CEP192: variants seen among roughly 807,000 people sequenced by gnomAD.
The protein encoded by CEP192 is centrosomal protein of 192 kDa.
CEP192 carries 151 observed loss-of-function variants against 271.8 expected under a neutral mutation model. The observed-to-expected ratio is 0.56, with a 90% CI of 0.49 to 0.64. The LOEUF (loss-of-function observed/expected upper bound fraction) is 0.64. CEP192 is among the 30% of genes least tolerant of loss of function. CEP192 has a pLI of 0.00. For missense variants in CEP192, 2,910 were observed against 3,020.5 expected (o/e 0.96, Z 0.86); for synonymous variants, 995 against 1,076.5 (o/e 0.92, Z 1.48).
At position 13,114,259 on chromosome 18, in the gene CEP192, G is replaced by A; in HGVS notation, c.7289+8G>A. 1 of 1,608,562 alleles carries A rather than the reference G, an allele frequency of 6.2e-7. No homozygotes were observed. Among genetic ancestry groups the A allele is most frequent in the Non-Finnish European group, 8.5e-7 (1 of 1,178,610 alleles). On this transcript the variant is annotated splice_region_variant and intron_variant, in intron 42 of 44. Coordinates refer to ENST00000506447, the MANE Select transcript of CEP192 (RefSeq NM_032142.4). Reference sequence around the variant, plus strand: ...TTCTGCTCGCATACCTGAGTATGTTGTTTTTGTCATTCTTATGAGTTTTTT... The same window carrying A: ...TTCTGCTCGCATACCTGAGTATGTTATTTTTGTCATTCTTATGAGTTTTTT...
In CEP192 at chr18:13,056,621, C is replaced by T. The variant is rs144622986; in HGVS notation, c.4031C>T (p.Thr1344Ile). The change falls in exon 19 of 45, where the codon ACA (threonine) becomes ATA (isoleucine). Residue 1344 changes from threonine to isoleucine, a missense_variant. Transcript: ENST00000506447. ...TTAAATCAGAACCTGCTAAGCACAA[C>T]AAAACCTTTTCCTGTGCCGTCTGTT... ...NTLNQNLLST[T>I]KPFPVPSVGT... The T allele has an allele frequency of 2.0e-4, 315 of 1,614,150 alleles. No homozygotes were observed. The African/African-American group carries it at 3.6e-3, about 18-fold the overall frequency.
intron 14 of CEP192, 55 bp downstream of exon 14, chr18:13,041,011 C>A: frequency 6.7e-7 from 1 of 1,492,630 alleles, no homozygotes; most frequent in Non-Finnish European, 9.1e-7. Flanking sequence ...AAATGCGTAA[C>A]TTAGGGGTTA....
intron 11 of CEP192, among the ~76,000 whole-genome samples, chr18:13,034,080 T>C (rs1485859397): frequency 6.6e-6 from 1 of 152,208 alleles, no homozygotes; most frequent in East Asian, 1.9e-4. Context: ...CTCTTTATTG[T>C]GGTGTCATAA....
intron 15 of CEP192, among the ~76,000 whole-genome samples, chr18:13,045,264 A>G (rs2036414056): frequency 6.6e-6 from 1 of 151,328 alleles, no homozygotes; most frequent in South Asian, 2.1e-4. Context: ...TATGGATTTA[A>G]TGTGTTGTTT....
rs145167079 is a variant in CEP192 at position 13,110,505 on chromosome 18, G to A, written c.7048-3081G>A. 1.4e-3 allele frequency among the ~76,000 whole-genome samples: 217 copies of A among 152,214 alleles called. 1 individual carries two copies. The highest frequency in any genetic ancestry group is 4.9e-3 in the African/African-American group (202 of 41,530). On this transcript the variant is annotated intron_variant, in intron 40 of 44. Coordinates refer to ENST00000506447, the MANE Select transcript of CEP192 (RefSeq NM_032142.4). The stretch of plus-strand genomic sequence containing the variant: ...ATATTTTTCAACAAATAGTGCCTGG[G>A]AGAACTGGATAGCCACATGCAAAAG...
intron 28 of CEP192, among the ~76,000 whole-genome samples, chr18:13,071,868 CTGA>C (rs1022840885): frequency 1.9e-4 from 29 of 152,334 alleles, no homozygotes; most frequent in African/African-American, 6.5e-4. Context: ...GTACATTTAA[CTGA>C]TGATATGACT....
chr18:13,120,511 G>A (rs151124541), intron 44 of CEP192, among the ~76,000 whole-genome samples: 38 of 152,266 alleles, frequency 2.5e-4, no homozygotes, highest in African/African-American at 8.9e-4. Context: ...ACTTAGAAAC[G>A]TGAGAAAATA....
chr18:13,073,330 T>C (rs1016468869), intron 30 of CEP192, 145 bp downstream of exon 30: 2 of 729,112 alleles, frequency 2.7e-6, no homozygotes, highest in African/African-American at 1.8e-5. Context: ...GGGAGTAATT[T>C]ATATGCTTTG....
chr18:13,113,501 C>T, intron 40 of CEP192, 85 bp from the exon 41 acceptor site: 1 of 1,351,266 alleles, frequency 7.4e-7, no homozygotes, highest in Non-Finnish European at 1.0e-6. Flanking sequence ...TAATTTTTTT[C>T]ATACCAAATC....
chr18:13,117,092 C>T (rs1337253868), intron 43 of CEP192, among the ~76,000 whole-genome samples: 2 of 151,158 alleles, frequency 1.3e-5, no homozygotes, highest in Non-Finnish European at 2.9e-5. Flanking sequence ...GGCATGGTGG[C>T]AGGTACCTGT....
rs576415772 is a variant in CEP192 at position 13,028,100 on chromosome 18, C to T, written c.1051-1563C>T. ...TTAGAGGAGAATCCTTCCTGGTTCT[C>T]CCGGCTTCTGCTGGCTCCTGGTGTT... On this transcript the variant is annotated intron_variant, in intron 9 of 44. Transcript: ENST00000506447. 2.6e-5 allele frequency among the ~76,000 whole-genome samples: 4 copies of T among 152,224 alleles called. No homozygotes were observed. The South Asian group carries it at 8.3e-4, about 32-fold the overall frequency.
At position 13,056,082 on chromosome 18, in the gene CEP192, G is replaced by T. The variant is rs186972847; in HGVS notation, c.3492G>T (p.Pro1164=). The change falls in exon 19 of 45, where the codon CCG becomes CCT. Residue 1164 remains proline (P), a synonymous_variant. Coordinates refer to ENST00000506447, the MANE Select transcript of CEP192 (RefSeq NM_032142.4). ...GWTSNPEELD[P]IRLALLGKSG... is the part of the protein sequence containing the mutation. The stretch of plus-strand genomic sequence containing the variant: ...CATCAAACCCTGAGGAATTGGACCC[G>T]ATCAGGCTGGCTCTCCTGGGCAAGT... 1.2e-6 allele frequency: 2 copies of T among 1,613,644 alleles called. No homozygotes were observed. The highest frequency in any genetic ancestry group is 2.7e-5 in the African/African-American group (2 of 74,926).
At chr18:13,053,857 T>G (rs943651809) in intron 18 of CEP192, among the ~76,000 whole-genome samples, 7 of 152,192 alleles carry the variant, frequency 4.6e-5, no homozygotes, top group African/African-American at 1.4e-4. Flanking sequence ...ACCTGGCTAA[T>G]TTTTCATTTT....
chr18:13,086,968 G>A (rs767190620), intron 30 of CEP192, 49 bp from the exon 31 acceptor site: 21 of 1,329,446 alleles, frequency 1.6e-5, no homozygotes, highest in East Asian at 7.0e-5. Context: ...TCAGTGTTTC[G>A]CTTTCTGCTT....
At chr18:13,002,489 C>T (rs895751540) in intron 3 of CEP192, among the ~76,000 whole-genome samples, 2 of 152,098 alleles carry the variant, frequency 1.3e-5, no homozygotes, top group South Asian at 2.1e-4. Flanking sequence ...TTTATATATA[C>T]ATTTTTCGCA....
At chr18:13,005,677 G>T (rs2033937109) in intron 3 of CEP192, among the ~76,000 whole-genome samples, 1 of 152,184 alleles carries the variant, frequency 6.6e-6, no homozygotes, top group Non-Finnish European at 1.5e-5. Flanking sequence ...GCCCTGAGTT[G>T]CTGGTCTGAG....
chr18:13,117,691 T>C (rs1206085875), intron 44 of CEP192, 48 bp downstream of exon 44: 1 of 1,464,520 alleles, frequency 6.8e-7, no homozygotes, highest in Non-Finnish European at 9.5e-7. Flanking sequence ...TGCAGGACTT[T>C]CGTCTCTTGG....
At chr18:13,080,480 C>T (rs1276239450) in intron 30 of CEP192, among the ~76,000 whole-genome samples, 3 of 152,032 alleles carry the variant, frequency 2.0e-5, no homozygotes, top group Non-Finnish European at 4.4e-5. Context: ...TTTTTGCACA[C>T]TGATTTTGTA....
intron 9 of CEP192, among the ~76,000 whole-genome samples, chr18:13,023,404 A>G (rs2035104846): frequency 6.6e-6 from 1 of 150,926 alleles, no homozygotes; most frequent in Admixed American, 6.6e-5. Context: ...TTTTATTTTT[A>G]TCAAGTTGAG....
Sources: allele counts gnomAD v4.1 joint callset (sites outside exome capture counted in the v4.1 genomes callset), GRCh38; gene constraint gnomAD v4.1.1; transcripts MANE v1.5; gene names NCBI Gene and HGNC (gene_info 2026-07-23, HGNC 2026-07-21).